Variants in CSGALNACT1 observed in about 807,000 individuals in gnomAD.
CSGALNACT1 encodes the protein beta4GalNAcT-1.
In CSGALNACT1, 52 loss-of-function variants were observed where a neutral mutation model predicts 51.0. The ratio of observed to expected loss-of-function variants is 1.02; its 90% CI spans 0.82 to 1.29. The LOEUF (loss-of-function observed/expected upper bound fraction) is 1.29, where lower values mean the gene tolerates loss of function less well. CSGALNACT1 is among the 50% of genes most tolerant of loss of function. CSGALNACT1 has a pLI of 0.00. For missense variants in CSGALNACT1, 935 were observed against 679.2 expected (o/e 1.38, Z -4.19); for synonymous variants, 341 against 254.4 (o/e 1.34, Z -3.24).
intron 4 of CSGALNACT1, among the ~76,000 whole-genome samples, chr8:19,479,688 A>T (rs890917672): frequency 2.0e-5 from 3 of 151,658 alleles, no homozygotes; most frequent in African/African-American, 7.3e-5. Context: ...GACTGTTAGG[A>T]TTCCTCATTA....
upstream of CSGALNACT1, among the ~76,000 whole-genome samples, chr8:19,604,594 C>T (rs959455492): frequency 1.3e-5 from 2 of 152,018 alleles, no homozygotes; most frequent in Non-Finnish European, 2.9e-5. Flanking sequence ...ACTTAGCCTT[C>T]ATGTATGATT....
chr8:19,680,234 AAAAATT>A (rs1420200154), intron 1 of CSGALNACT1, among the ~76,000 whole-genome samples: 5 of 152,204 alleles, frequency 3.3e-5, no homozygotes, highest in Non-Finnish European at 7.3e-5. Flanking sequence ...TTGGAAAAAT[AAAAATT>A]AAAAAGACAA....
chr8:19,673,250 G>T (rs1451630865), intron 1 of CSGALNACT1, among the ~76,000 whole-genome samples: 1 of 152,202 alleles, frequency 6.6e-6, no homozygotes, highest in African/African-American at 2.4e-5. Flanking sequence ...GGGATTCCAG[G>T]TTTGAGTATT....
upstream of CSGALNACT1, among the ~76,000 whole-genome samples, chr8:19,606,200 TG>T (rs2051341244): frequency 6.6e-6 from 1 of 152,254 alleles, no homozygotes; most frequent in Non-Finnish European, 1.5e-5. Context: ...GATATGTGTC[TG>T]CCAACTAGAA....
exon 10 of CSGALNACT1, chr8:19,404,956 G>T: frequency 2.2e-6 from 1 of 453,240 alleles, no homozygotes; most frequent in Non-Finnish European, 4.4e-6. Context: ...CTGACATTCA[G>T]TGCCTGACAG....
chr8:19,550,670 T>A (rs1161325246), intron 3 of CSGALNACT1, among the ~76,000 whole-genome samples: 1 of 152,182 alleles, frequency 6.6e-6, no homozygotes, highest in Admixed American at 6.5e-5. Context: ...TGCATTTAAG[T>A]GATGTCACTG....
chr8:19,468,655 T>C (rs998899928), intron 4 of CSGALNACT1, among the ~76,000 whole-genome samples: 1 of 151,724 alleles, frequency 6.6e-6, no homozygotes, highest in Admixed American at 6.6e-5. Context: ...CTTGAGAGAA[T>C]GTTGTTAGAA....
intron 4 of CSGALNACT1, among the ~76,000 whole-genome samples, chr8:19,480,433 C>A (rs1204074597): frequency 6.6e-6 from 1 of 152,184 alleles, no homozygotes. Flanking sequence ...CAGGTTCCTG[C>A]AAAGGACATG....
chr8:19,588,046 C>G (rs551939122), intron 3 of CSGALNACT1: 5 of 152,012 alleles, frequency 3.3e-5, no homozygotes, highest in Non-Finnish European at 5.9e-5. Flanking sequence ...CAAAAGTTAG[C>G]TGGGCAAGGT....
intron 1 of CSGALNACT1, among the ~76,000 whole-genome samples, chr8:19,675,676 T>A (rs2060124085): frequency 6.6e-6 from 1 of 152,100 alleles, no homozygotes; most frequent in Non-Finnish European, 1.5e-5. Flanking sequence ...TAATTTTTAG[T>A]AGAGACAGGG....
At chr8:19,646,780 T>C (rs1352848890) in intron 1 of CSGALNACT1, among the ~76,000 whole-genome samples, 5 of 152,152 alleles carry the variant, frequency 3.3e-5, no homozygotes, top group Non-Finnish European at 7.4e-5. Flanking sequence ...ACCTAGCCGA[T>C]AGTAAGAGCT....
chr8:19,598,281 G>A (rs893253696), intron 2 of CSGALNACT1, among the ~76,000 whole-genome samples: 1 of 152,228 alleles, frequency 6.6e-6, no homozygotes, highest in African/African-American at 2.4e-5. Context: ...TCATGTGCCA[G>A]TATGAACCTC....
Position 19,710,399 on chromosome 8 carries a change from T to G in CSGALNACT1, c.-297+47451A>C, listed in dbSNP as rs1047410115. ...AATCATCTGAAAAAAGGATGGTTCC[T>G]GTAAAAGAAATAGATCGCCTTAACA... On this transcript the variant is annotated intron_variant, in intron 1 of 1. Coordinates refer to the CSGALNACT1 transcript ENST00000517494. Among the ~76,000 whole-genome samples the G allele has an allele frequency of 2.6e-5, 4 of 152,192 alleles. No homozygotes were observed. The South Asian group carries it at 8.3e-4, about 31-fold the overall frequency.
intron 5 of CSGALNACT1, chr8:19,457,683 T>C: frequency 7.7e-7 from 1 of 1,306,240 alleles, no homozygotes; most frequent in South Asian, 1.2e-5. Flanking sequence ...TTTCTATGTT[T>C]AAAACAAGCT....
chr8:19,630,762 A>G (rs928601613), intron 1 of CSGALNACT1, among the ~76,000 whole-genome samples: 5 of 152,172 alleles, frequency 3.3e-5, no homozygotes, highest in Non-Finnish European at 7.4e-5. Flanking sequence ...TCACTACAAT[A>G]TGCATTCAAG....
intron 3 of CSGALNACT1, among the ~76,000 whole-genome samples, chr8:19,548,785 T>A (rs2087139014): frequency 6.6e-6 from 1 of 152,180 alleles, no homozygotes; most frequent in Admixed American, 6.5e-5. Context: ...CTTTAGTATT[T>A]ATCTTCATAT....
chr8:19,686,469 C>G (rs1017767989), upstream of CSGALNACT1, among the ~76,000 whole-genome samples: 3 of 152,210 alleles, frequency 2.0e-5, no homozygotes, highest in African/African-American at 7.2e-5. Context: ...ACTGCTCGCT[C>G]CAGTTTCAAA....
chr8:19,461,185 C>G (rs892326194), intron 4 of CSGALNACT1, among the ~76,000 whole-genome samples: 1 of 152,170 alleles, frequency 6.6e-6, no homozygotes, highest in African/African-American at 2.4e-5. Context: ...GAGGGAAAAG[C>G]CATGGAAGAA....
At chr8:19,704,278 G>A (rs1483130338) in intron 1 of CSGALNACT1, among the ~76,000 whole-genome samples, 6 of 152,118 alleles carry the variant, frequency 3.9e-5, no homozygotes, top group Admixed American at 6.5e-5. Context: ...CTTCCAGGCC[G>A]ATATTATATT....
Sources: gnomAD v4.1 joint callset for allele counts (sites outside exome capture counted in the v4.1 genomes callset) on GRCh38, gnomAD v4.1.1 for gene constraint, MANE v1.5 for transcripts, NCBI Gene and HGNC (gene_info 2026-07-23, HGNC 2026-07-21) for gene names.